Variants in SCEL observed in about 807,000 individuals in gnomAD.
SCEL encodes the protein sciellin.
Under a neutral mutation model 117.6 loss-of-function variants are expected in SCEL, and 113 were observed. That is an observed-to-expected ratio of 0.96 (90% CI 0.83 to 1.12). SCEL has a LOEUF of 1.12. Ranked by LOEUF, SCEL falls within the 50% of genes most tolerant of loss-of-function variation. SCEL has a pLI of 0.00. For synonymous variants in SCEL, 270 were observed against 256.2 expected, an observed-to-expected ratio of 1.05 and a Z score of -0.51; for missense variants, 785 against 810.8, an observed-to-expected ratio of 0.97 and a Z score of 0.39.
intron 13 of SCEL, among the ~76,000 whole-genome samples, chr13:77,598,872 G>A (rs754793676): frequency 4.7e-4 from 72 of 152,180 alleles, no homozygotes; most frequent in Middle Eastern, 3.4e-3. Context: ...TGTAGAGATG[G>A]GGTCAGACCA....
intron 21 of SCEL, among the ~76,000 whole-genome samples, chr13:77,609,440 G>A (rs559700543): frequency 6.6e-6 from 1 of 152,316 alleles, no homozygotes; most frequent in South Asian, 2.1e-4. Context: ...GGACCCCATA[G>A]TTGTGGGTCT....
intron 1 of SCEL, among the ~76,000 whole-genome samples, chr13:77,549,409 T>C (rs2084176162): frequency 6.6e-6 from 1 of 152,208 alleles, no homozygotes; most frequent in South Asian, 2.1e-4. Context: ...GAGAACACAC[T>C]ACCCAATGGT....
At chr13:77,635,143 G>C (rs900747050) in intron 29 of SCEL, among the ~76,000 whole-genome samples, 4 of 152,152 alleles carry the variant, frequency 2.6e-5, no homozygotes, top group African/African-American at 9.7e-5. Context: ...TCGTGATGGG[G>C]ATCCAGGAAA....
At chr13:77,642,199 C>T (rs2090589117) in intron 31 of SCEL, among the ~76,000 whole-genome samples, 1 of 151,916 alleles carries the variant, frequency 6.6e-6, no homozygotes, top group South Asian at 2.1e-4. Flanking sequence ...CAATACAGAG[C>T]CACATGAACT....
intron 7 of SCEL, 63 bp from the exon 8 acceptor site, chr13:77,569,308 A>G (rs1399136895): frequency 1.5e-6 from 2 of 1,313,964 alleles, no homozygotes; most frequent in East Asian, 4.6e-5. Flanking sequence ...AAGACTTTTC[A>G]AAGGTAGGCT....
intron 9 of SCEL, among the ~76,000 whole-genome samples, chr13:77,585,675 T>C (rs1360913132): frequency 2.6e-5 from 4 of 152,070 alleles, no homozygotes; most frequent in Non-Finnish European, 5.9e-5. Context: ...TAGACCCTCA[T>C]TGAAACCCCA....
intron 11 of SCEL, among the ~76,000 whole-genome samples, chr13:77,592,003 G>C (rs2086901303): frequency 1.3e-5 from 2 of 152,088 alleles, no homozygotes; most frequent in African/African-American, 4.8e-5. Flanking sequence ...ATTTGTTCTG[G>C]ATGTGTCTTC....
At chr13:77,575,392 A>G (rs191240757) in intron 9 of SCEL, among the ~76,000 whole-genome samples, 113 of 152,314 alleles carry the variant, frequency 7.4e-4, no homozygotes, top group African/African-American at 2.6e-3. Context: ...ACTTACATGT[A>G]ATTGTATGTT....
chr13:77,599,271 A>C, intron 13 of SCEL, 58 bp from the exon 14 acceptor site: 2 of 1,219,678 alleles, frequency 1.6e-6, no homozygotes, highest in Non-Finnish European at 2.4e-6. Context: ...ATGTTCTTAT[A>C]GAGTTAAGCA....
chr13:77,627,596 G>A (rs992670914), intron 27 of SCEL, among the ~76,000 whole-genome samples: 1 of 151,976 alleles, frequency 6.6e-6, no homozygotes, highest in African/African-American at 2.4e-5. Flanking sequence ...TTATATGAAT[G>A]TATTAAATCA....
In SCEL at chr13:77,642,725, C is replaced by T. The variant is rs756551108; in HGVS notation, c.1967C>T (p.Pro656Leu). The T allele has an allele frequency of 1.9e-6, 3 of 1,596,592 alleles. No individual in the cohort carries two copies. Among genetic ancestry groups the T allele is most frequent in the Admixed American group, 1.8e-5 (1 of 57,120 alleles). The change falls in exon 32 of 33, where the codon CCT becomes CTT. Residue 656 changes from proline to leucine, a missense_variant. Coordinates refer to ENST00000349847, the MANE Select transcript of SCEL (RefSeq NM_144777.3). ...TCFKCEICKQ[P>L]LENLQAGDSI... The stretch of plus-strand genomic sequence containing the variant: ...CTTTAGTGTGAAATATGCAAGCAGC[C>T]TTTGGAAAATCTACAAGCGGGTGAT...
At position 77,640,751 on chromosome 13, in the gene SCEL, A is replaced by AT. The variant is rs748073297; in HGVS notation, c.1916dup (p.Leu639PhefsTer11). On this transcript the variant is annotated frameshift_variant, in exon 31 of 33. Coordinates refer to ENST00000349847, the MANE Select transcript of SCEL (RefSeq NM_144777.3). LOFTEE classifies it high-confidence loss of function. The stretch of plus-strand genomic sequence containing the variant: ...TAGAAACTAAAATGATTTTAGATGA[A>AT]TTACAAATTTGCTGCCATTCTACTT... The AT allele has an allele frequency of 1.9e-5, 30 of 1,603,048 alleles. 1 individual carries two copies. Among genetic ancestry groups the AT allele is most frequent in the Non-Finnish European group, 8.5e-6 (10 of 1,172,030 alleles).
intron 1 of SCEL, among the ~76,000 whole-genome samples, chr13:77,544,684 G>A (rs2083898741): frequency 6.6e-6 from 1 of 152,154 alleles, no homozygotes; most frequent in Admixed American, 6.5e-5. Flanking sequence ...CAGAGGAAGT[G>A]CTGTTATTAG....
At chr13:77,549,597 G>A (rs960267246) in intron 1 of SCEL, among the ~76,000 whole-genome samples, 2 of 152,176 alleles carry the variant, frequency 1.3e-5, no homozygotes, top group African/African-American at 4.8e-5. Context: ...TGGGAACTAG[G>A]ATCCGATCAG....
chr13:77,553,602 A>G (rs1280907694), intron 1 of SCEL, among the ~76,000 whole-genome samples: 3 of 152,028 alleles, frequency 2.0e-5, no homozygotes, highest in Admixed American at 6.6e-5. Context: ...GCAGCCTCCA[A>G]ACACAGCCAG....
intron 19 of SCEL, among the ~76,000 whole-genome samples, chr13:77,605,093 A>G (rs1283232378): frequency 6.6e-6 from 1 of 152,142 alleles, no homozygotes; most frequent in Admixed American, 6.6e-5. Context: ...TATTTCTTAT[A>G]AGGCAGATGG....
intron 4 of SCEL, among the ~76,000 whole-genome samples, chr13:77,563,045 A>G (rs1176305081): frequency 6.6e-6 from 1 of 152,116 alleles, no homozygotes; most frequent in East Asian, 1.9e-4. Context: ...GATCAATCTG[A>G]TCAGGATCTT....
In SCEL at chr13:77,568,355, A is replaced by G. The variant is rs751196654; in HGVS notation, c.398+22A>G. On this transcript the variant is annotated intron_variant, in intron 7 of 32. Coordinates refer to ENST00000349847, the MANE Select transcript of SCEL (RefSeq NM_144777.3). The stretch of plus-strand genomic sequence containing the variant: ...AGTTGTATGTATTCTTTCTAATTGT[A>G]GTATATTTCTTTTTATGTATTCAAG... The G allele has an allele frequency of 4.8e-6, 7 of 1,446,486 alleles. No homozygotes were observed. The South Asian group carries it at 8.5e-5, about 17-fold the overall frequency. The allele number at this position is 1,446,486 out of a possible 1,614,324, so 89.6% of individuals were successfully genotyped here. A position where few individuals can be genotyped will look rare whatever the true frequency, so the allele number is the denominator to read the frequency against.
intron 9 of SCEL, among the ~76,000 whole-genome samples, chr13:77,574,439 G>A (rs780891406): frequency 1.3e-5 from 2 of 152,204 alleles, no homozygotes; most frequent in Non-Finnish European, 2.9e-5. Context: ...CATTTTTAGA[G>A]TCACAGATTA....
Sources: gnomAD v4.1 joint callset for allele counts (sites outside exome capture counted in the v4.1 genomes callset) on GRCh38, gnomAD v4.1.1 for gene constraint, MANE v1.5 for transcripts, NCBI Gene and HGNC (gene_info 2026-07-23, HGNC 2026-07-21) for gene names.